HSD17B14: variants seen among roughly 807,000 people sequenced by gnomAD.
The protein encoded by HSD17B14 is hydroxysteroid 17-beta dehydrogenase 14, also known as L-fucose dehydrogenase.
Under a neutral mutation model 32.2 loss-of-function variants are expected in HSD17B14, and 32 were observed. The ratio of observed to expected loss-of-function variants is 0.99; its 90% CI spans 0.75 to 1.33. The LOEUF is 1.33. Ranked by LOEUF, HSD17B14 falls within the 40% of genes most tolerant of loss-of-function variation. The probability of loss-of-function intolerance (pLI) is 0.00; values close to 1 mark genes in which losing one functional copy is unlikely to be tolerated. For synonymous variants in HSD17B14, 140 were observed against 155.4 expected (o/e 0.90, Z 0.74); for missense variants, 370 against 366.5 (o/e 1.01, Z -0.08).
intron 5 of HSD17B14, among the ~76,000 whole-genome samples, chr19:48,826,723 A>G: frequency 1.3e-5 from 2 of 151,368 alleles, no homozygotes; most frequent in Non-Finnish European, 2.9e-5. Context: ...CCTCCCGGGA[A>G]CATTTCACCT....
chr19:48,833,766 C>CG (rs931845062), intron 3 of HSD17B14, among the ~76,000 whole-genome samples: 3 of 151,454 alleles, frequency 2.0e-5, no homozygotes, highest in African/African-American at 7.3e-5. Context: ...GCAGAGGTTG[C>CG]GGTGAGCCGA....
intron 5 of HSD17B14, among the ~76,000 whole-genome samples, chr19:48,824,748 G>C (rs2035215464): frequency 6.9e-6 from 1 of 144,776 alleles, no homozygotes; most frequent in Non-Finnish European, 1.5e-5. Flanking sequence ...CCTGGCGACA[G>C]AGCAAGACTC....
rs1041581121 is a variant in HSD17B14, at chr19:48,827,200, G to A, written c.369+4468C>T. On this transcript the variant is annotated intron_variant, in intron 5 of 8. Transcript: ENST00000263278. ...TGGGATTACAGGCGCCCACCACCACGCCTGGCTAATTTTTGTATTTTTAGT... is the reference window on the plus strand; with the variant it reads ...TGGGATTACAGGCGCCCACCACCACACCTGGCTAATTTTTGTATTTTTAGT... Among the ~76,000 whole-genome samples, 5 of 151,882 alleles carry A rather than the reference G, an allele frequency of 3.3e-5. No individual in the cohort carries two copies. In the East Asian group the frequency reaches 7.8e-4, roughly 24 times the overall value.
At chr19:48,816,139 G>T (rs182078434) in intron 5 of HSD17B14, among the ~76,000 whole-genome samples, 4 of 151,906 alleles carry the variant, frequency 2.6e-5, no homozygotes. Context: ...GTGCGTGTGT[G>T]TTCGTTGACT....
Position 48,814,225 on chromosome 19 carries a change from A to G in HSD17B14, c.475-495T>C, listed in dbSNP as rs572113695. On this transcript the variant is annotated intron_variant, in intron 6 of 8. Transcript: ENST00000263278. ...AAAAAGAAGAAAAGAAAAGAAAAGA[A>G]AAAAAGAAAGTTAGCCGGGCACAGT... is the stretch of plus-strand genomic sequence containing the variant. Among the ~76,000 whole-genome samples the G allele has an allele frequency of 1.5e-4, 23 of 150,512 alleles. 1 individual carries two copies. Among genetic ancestry groups the G allele is most frequent in the African/African-American group, 5.4e-4 (22 of 40,952 alleles).
At chr19:48,826,816 A>T (rs2035259148) in intron 5 of HSD17B14, among the ~76,000 whole-genome samples, 1 of 150,970 alleles carries the variant, frequency 6.6e-6, no homozygotes, top group Non-Finnish European at 1.5e-5. Context: ...CTCTTTGCCT[A>T]CTCTTGCTCC....
rs531587334 is a variant in HSD17B14, at chr19:48,820,561, G to A, written c.370-5420C>T. Among the ~76,000 whole-genome samples the A allele has an allele frequency of 2.7e-5, 4 of 149,268 alleles. No individual in the cohort carries two copies. The East Asian group carries it at 6.1e-4, about 23-fold the overall frequency. The stretch of plus-strand genomic sequence containing the variant: ...TTTTTTTTTTTTGAGATGGAGTCTC[G>A]CTCTGTCTTGCCCAGGCTGGAGTGC... On this transcript the variant is annotated intron_variant, in intron 5 of 8. Coordinates refer to ENST00000263278, the MANE Select transcript of HSD17B14 (RefSeq NM_016246.3).
intron 3 of HSD17B14, among the ~76,000 whole-genome samples, chr19:48,833,417 T>G (rs1260482726): frequency 6.6e-6 from 1 of 152,146 alleles, no homozygotes; most frequent in Non-Finnish European, 1.5e-5. Context: ...ACAGGCCACG[T>G]GCAGTGGCTC....
At chr19:48,828,923 G>A (rs1008874770) in intron 5 of HSD17B14, among the ~76,000 whole-genome samples, 10 of 151,830 alleles carry the variant, frequency 6.6e-5, no homozygotes, top group Non-Finnish European at 8.8e-5. Flanking sequence ...TTAGCCAGGC[G>A]TGGTGGTGAG....
intron 4 of HSD17B14, among the ~76,000 whole-genome samples, chr19:48,832,191 C>A (rs1206856473): frequency 6.6e-6 from 1 of 150,612 alleles, no homozygotes; most frequent in Non-Finnish European, 1.5e-5. Flanking sequence ...ACCAGCCTGG[C>A]TAACATGATG....
chr19:48,820,180 A>T (rs2035122033), intron 5 of HSD17B14, among the ~76,000 whole-genome samples: 3 of 150,478 alleles, frequency 2.0e-5, no homozygotes, highest in African/African-American at 7.3e-5. Flanking sequence ...ACCGAAAAAG[A>T]ACGTTGCCTG....
chr19:48,833,719 G>C (rs940618922), intron 3 of HSD17B14, among the ~76,000 whole-genome samples: 1 of 152,088 alleles, frequency 6.6e-6, no homozygotes, highest in Non-Finnish European at 1.5e-5. Flanking sequence ...TCAGCTACTC[G>C]GGAGGCTGAG....
At chr19:48,818,036 GC>G (rs769471982) in intron 5 of HSD17B14, among the ~76,000 whole-genome samples, 10 of 152,164 alleles carry the variant, frequency 6.6e-5, no homozygotes, top group Non-Finnish European at 1.0e-4. Context: ...TTTAGGCCAG[GC>G]ACAGTGGCTC....
intron 5 of HSD17B14, among the ~76,000 whole-genome samples, chr19:48,824,932 A>T (rs1365638756): frequency 6.6e-6 from 1 of 152,034 alleles, no homozygotes; most frequent in East Asian, 1.9e-4. Context: ...GTACGCATGA[A>T]GTTCCTACTG....
At chr19:48,823,787 G>A (rs911558189) in intron 5 of HSD17B14, among the ~76,000 whole-genome samples, 24 of 150,806 alleles carry the variant, frequency 1.6e-4, no homozygotes, top group African/African-American at 5.1e-4. Flanking sequence ...ACAGGTATGC[G>A]CCACCCTGCC....
intron 5 of HSD17B14, among the ~76,000 whole-genome samples, 170 bp downstream of exon 5, chr19:48,831,491 TGCAGTGA>T (rs1218987509): frequency 2.6e-5 from 4 of 151,762 alleles, no homozygotes; most frequent in African/African-American, 9.7e-5. Context: ...AGGTGGAGGT[TGCAGTGA>T]GCTGAGATCA....
chr19:48,834,294 A>G lies in HSD17B14; in HGVS notation c.192T>C (p.Thr64=), dbSNP rs778790596. Residue 64 remains threonine, a synonymous_variant, in exon 3 of 9, where the codon ACT becomes ACC. Transcript: ENST00000263278. The part of the protein sequence containing the change: ...PGAVFILCDV[T]QEDDVKTLVS... ...GGCTTACCTTCACATCATCTTCCTG[A>G]GTCACATCACAGAGGATAAAGACAG... 104 of 1,613,868 alleles carry G rather than the reference A, an allele frequency of 6.4e-5. No individual in the cohort carries two copies. The highest frequency in any genetic ancestry group is 8.1e-5 in the Non-Finnish European group (96 of 1,179,856).
At chr19:48,830,096 C>T (rs2035312752) in intron 5 of HSD17B14, among the ~76,000 whole-genome samples, 1 of 152,052 alleles carries the variant, frequency 6.6e-6, no homozygotes, top group African/African-American at 2.4e-5. Context: ...CTTGTTTTAA[C>T]CTGAATTGAC....
chr19:48,827,733 G>T (rs937374886), intron 5 of HSD17B14, among the ~76,000 whole-genome samples: 5 of 151,588 alleles, frequency 3.3e-5, no homozygotes, highest in African/African-American at 9.7e-5. Flanking sequence ...TAGAGACGGG[G>T]TCTCACCATA....
Sources: allele counts gnomAD v4.1 joint callset (sites outside exome capture counted in the v4.1 genomes callset), GRCh38; gene constraint gnomAD v4.1.1; transcripts MANE v1.5; gene names NCBI Gene and HGNC (gene_info 2026-07-23, HGNC 2026-07-21).